GRID1: variants seen among roughly 807,000 people sequenced by gnomAD.
GRID1 encodes the protein glutamate receptor ionotropic, delta-1.
A neutral mutation model predicts 98.0 loss-of-function variants in GRID1; 28 were observed. The observed-to-expected ratio is 0.29, with a 90% CI of 0.21 to 0.39. The LOEUF (loss-of-function observed/expected upper bound fraction) is 0.39. GRID1 is among the 10% of genes least tolerant of loss of function. The probability of loss-of-function intolerance (pLI) is 1.00; values close to 1 mark genes in which losing one functional copy is unlikely to be tolerated. For missense variants in GRID1, 1,111 were observed against 1,340.5 expected, an observed-to-expected ratio of 0.83 and a Z score of 2.67; for synonymous variants, 553 against 538.5, an observed-to-expected ratio of 1.03 and a Z score of -0.37.
intron 8 of GRID1, among the ~76,000 whole-genome samples, chr10:85,782,103 T>A (rs923773295): frequency 1.3e-5 from 2 of 152,238 alleles, no homozygotes; most frequent in Non-Finnish European, 2.9e-5. Flanking sequence ...ATAACATTTT[T>A]AAAATGTTTA....
chr10:86,160,881 C>T (rs765991320), intron 3 of GRID1, among the ~76,000 whole-genome samples: 14 of 152,222 alleles, frequency 9.2e-5, no homozygotes, highest in Admixed American at 2.6e-4. Flanking sequence ...TCTCTTAAAA[C>T]GGTATAGCCC....
intron 4 of GRID1, among the ~76,000 whole-genome samples, chr10:86,048,030 TG>T (rs2131903500): frequency 6.6e-6 from 1 of 152,308 alleles, no homozygotes; most frequent in South Asian, 2.1e-4. Context: ...TTCTGCTTTT[TG>T]CTCTCCTGGC....
chr10:85,900,945 C>T (rs1841374411), intron 5 of GRID1, among the ~76,000 whole-genome samples: 4 of 152,068 alleles, frequency 2.6e-5, no homozygotes, highest in Admixed American at 2.6e-4. Context: ...AAGGAAAGAC[C>T]ATGGAAGACA....
At chr10:85,930,679 A>C (rs940050118) in intron 4 of GRID1, among the ~76,000 whole-genome samples, 6 of 152,002 alleles carry the variant, frequency 3.9e-5, no homozygotes, top group African/African-American at 1.4e-4. Context: ...GAAACTTCTT[A>C]AGCAAAGATT....
chr10:86,221,787 G>T (rs1203095027), intron 2 of GRID1, among the ~76,000 whole-genome samples: 2 of 152,192 alleles, frequency 1.3e-5, no homozygotes, highest in African/African-American at 4.8e-5. Flanking sequence ...CCCAGGAGCA[G>T]CAGGGAGCCT....
intron 12 of GRID1, among the ~76,000 whole-genome samples, chr10:85,667,960 C>A (rs1480372549): frequency 2.0e-5 from 3 of 152,204 alleles, no homozygotes; most frequent in African/African-American, 7.2e-5. Context: ...CATCCCTAAG[C>A]CCTAGGCAAA....
At chr10:85,879,976 A>T (rs961823531) in intron 5 of GRID1, among the ~76,000 whole-genome samples, 15 of 152,254 alleles carry the variant, frequency 9.9e-5, no homozygotes, top group African/African-American at 3.4e-4. Flanking sequence ...AATTACCATC[A>T]GAGAATACTA....
intron 4 of GRID1, among the ~76,000 whole-genome samples, chr10:86,090,145 C>G (rs7923786): frequency 0.068 from 10,288 of 152,024 alleles, 860 homozygotes; most frequent in African/African-American, 0.2. Flanking sequence ...ATGGCCGTGC[C>G]TGGTGGTGAC....
intron 3 of GRID1, among the ~76,000 whole-genome samples, chr10:86,160,390 C>T (rs1845304199): frequency 6.6e-6 from 1 of 152,222 alleles, no homozygotes; most frequent in African/African-American, 2.4e-5. Context: ...GACCAACTAG[C>T]TAGCATCGCC....
At chr10:85,954,478 A>C (rs908197976) in intron 4 of GRID1, among the ~76,000 whole-genome samples, 1 of 152,190 alleles carries the variant, frequency 6.6e-6, no homozygotes, top group Admixed American at 6.5e-5. Context: ...GGAAATACTA[A>C]TGTTCCTTTT....
chr10:85,974,934 C>T (rs868155711), intron 4 of GRID1, among the ~76,000 whole-genome samples: 11 of 152,204 alleles, frequency 7.2e-5, no homozygotes, highest in Non-Finnish European at 1.2e-4. Flanking sequence ...TAAAGCCTTC[C>T]TTTGATTGAC....
At chr10:85,640,689 T>C (rs1843106799) in intron 13 of GRID1, among the ~76,000 whole-genome samples, 1 of 152,192 alleles carries the variant, frequency 6.6e-6, no homozygotes, top group African/African-American at 2.4e-5. Context: ...CTGCCACAGG[T>C]GTAGTCCCTG....
intron 3 of GRID1, among the ~76,000 whole-genome samples, chr10:86,186,873 G>T (rs772155881): frequency 1.3e-5 from 2 of 152,210 alleles, no homozygotes; most frequent in African/African-American, 4.8e-5. Context: ...GAGTCCAGCA[G>T]ATCTGATCTA....
chr10:86,308,538 T>C lies in GRID1; in HGVS notation c.235+55403A>G, dbSNP rs1847790884. 2.0e-5 allele frequency among the ~76,000 whole-genome samples: 3 copies of C among 152,128 alleles called. No individual in the cohort carries two copies. In the South Asian group the frequency reaches 6.2e-4, roughly 31 times the overall value. ...AGACTCTCCCATGGGGTGGTATTGT[T>C]CAAAAGAGAAATCTACTATGCTGCA... On this transcript the variant is annotated intron_variant, in intron 2 of 15. Coordinates refer to ENST00000327946, the MANE Select transcript of GRID1 (RefSeq NM_017551.3).
chr10:85,916,093 A>G lies in GRID1; in HGVS notation c.780+93T>C. On this transcript the variant is annotated intron_variant, in intron 5 of 15. Coordinates refer to ENST00000327946, the MANE Select transcript of GRID1 (RefSeq NM_017551.3). The surrounding 1 kb of genome is among the most constrained non-coding windows in gnomAD (Gnocchi z 4.0). ...CCCCAGGATTCACAACAGCCCCCTAAGTCAGAATTGAACTGAAAAGAATCA... is the reference window on the plus strand; with the variant it reads ...CCCCAGGATTCACAACAGCCCCCTAGGTCAGAATTGAACTGAAAAGAATCA... 1 of 985,784 alleles carries G rather than the reference A, an allele frequency of 1.0e-6. No homozygotes were observed. The highest frequency in any genetic ancestry group is 1.6e-6 in the Non-Finnish European group (1 of 627,070). The allele number at this position is 985,784 out of a possible 1,614,324, so 61.1% of individuals were successfully genotyped here. A position where few individuals can be genotyped will look rare whatever the true frequency, so the allele number is the denominator to read the frequency against.
chr10:85,771,195 AC>A (rs1048892809), intron 8 of GRID1, among the ~76,000 whole-genome samples: 1 of 152,260 alleles, frequency 6.6e-6, no homozygotes, highest in African/African-American at 2.4e-5. Context: ...AGAATTTTCA[AC>A]CCAGAATTTC....
intron 4 of GRID1, among the ~76,000 whole-genome samples, chr10:86,091,339 T>A (rs1174590371): frequency 6.6e-6 from 1 of 152,056 alleles, no homozygotes; most frequent in African/African-American, 2.4e-5. Context: ...GCGTGGGAGT[T>A]GGGTGAGGCC....
intron 8 of GRID1, among the ~76,000 whole-genome samples, chr10:85,840,117 C>T (rs557666086): frequency 4.4e-4 from 67 of 152,162 alleles, no homozygotes; most frequent in Non-Finnish European, 7.2e-4. Flanking sequence ...AATAAATAGC[C>T]TACCGACCCC....
intron 15 of GRID1, among the ~76,000 whole-genome samples, chr10:85,603,736 G>A (rs563581710): frequency 1.3e-5 from 2 of 152,298 alleles, no homozygotes; most frequent in East Asian, 1.9e-4. Context: ...TTTGTAAGCA[G>A]CATGGGTGCT....
Sources: gnomAD v4.1 joint callset for allele counts (sites outside exome capture counted in the v4.1 genomes callset) on GRCh38, gnomAD v4.1.1 for gene constraint, Gnocchi (gnomAD v3.1) non-coding constraint, MANE v1.5 for transcripts, NCBI Gene and HGNC (gene_info 2026-07-23, HGNC 2026-07-21) for gene names.